DGKB: variants seen among roughly 807,000 people sequenced by gnomAD.
The protein encoded by DGKB is 90 kDa diacylglycerol kinase.
Under a neutral mutation model 114.3 loss-of-function variants are expected in DGKB, and 67 were observed. The observed-to-expected ratio is 0.59, with a 90% CI of 0.48 to 0.72. The LOEUF (loss-of-function observed/expected upper bound fraction) is 0.72, where lower values mean the gene tolerates loss of function less well. Among genes scored for constraint, DGKB ranks in the 30% least tolerant of loss-of-function variants. The pLI is 0.00. For synonymous variants in DGKB, 398 were observed against 323.1 expected (o/e 1.23, Z -2.49); for missense variants, 907 against 975.2 (o/e 0.93, Z 0.93).
chr7:14,915,134 T>C (rs978989), intron 1 of DGKB, among the ~76,000 whole-genome samples: 65,068 of 152,018 alleles, frequency 0.43, 18,166 homozygotes, highest in East Asian at 0.92. Context: ...GGGGAGGCTA[T>C]GTTGAGAGAA....
intron 2 of DGKB, among the ~76,000 whole-genome samples, chr7:14,830,444 A>T (rs1166209579): frequency 1.3e-5 from 2 of 152,116 alleles, no homozygotes; most frequent in African/African-American, 4.8e-5. Context: ...TAAACCAGAA[A>T]TATTTAGCAG....
At chr7:14,581,206 T>A (rs2128723958) in intron 18 of DGKB, among the ~76,000 whole-genome samples, 1 of 152,268 alleles carries the variant, frequency 6.6e-6, no homozygotes, top group South Asian at 2.1e-4. Flanking sequence ...GAAAGCTTTT[T>A]AAATATCTTA....
chr7:14,499,407 G>T (rs552773568), intron 20 of DGKB, among the ~76,000 whole-genome samples: 33 of 141,772 alleles, frequency 2.3e-4, no homozygotes, highest in African/African-American at 9.4e-4. Context: ...TTCTTCAAAA[G>T]AAATATGGGT....
chr7:14,269,932 TAAGAC>T (rs1400132504), intron 23 of DGKB, among the ~76,000 whole-genome samples: 4 of 150,494 alleles, frequency 2.7e-5, no homozygotes, highest in Admixed American at 2.0e-4. Context: ...TTCATAAAAT[TAAGAC>T]AAGGAATTAA....
chr7:14,678,491 C>G (rs1042113897), intron 12 of DGKB, among the ~76,000 whole-genome samples: 3 of 151,944 alleles, frequency 2.0e-5, no homozygotes, highest in African/African-American at 7.2e-5. Context: ...CATGGCCTCC[C>G]CAAGGGACTG....
rs564469676 is a variant in DGKB, at chr7:14,737,469, G to A, written c.169-1275C>T. ...TGGGGGAAAGACATGGAGATTGACC[G>A]AATTTATTATTGTATTATTTGGGAC... On this transcript the variant is annotated intron_variant, in intron 4 of 25. Transcript: ENST00000402815. Among the ~76,000 whole-genome samples, 6 of 151,822 alleles carry A rather than the reference G, an allele frequency of 4.0e-5. No homozygotes were observed. The East Asian group carries it at 5.8e-4, about 15-fold the overall frequency.
rs535070735 is a variant in DGKB, at chr7:14,705,766, A to C, written c.467-4036T>G. Among the ~76,000 whole-genome samples the C allele has an allele frequency of 1.1e-4, 17 of 151,946 alleles. No homozygotes were observed. In the South Asian group the frequency reaches 3.3e-3, roughly 30 times the overall value. Reference sequence around the variant, plus strand: ...AATACTTTACAGACAAGCAAATGCTAAGAGATTTTGTCACCACCAGACCTG... The same window carrying C: ...AATACTTTACAGACAAGCAAATGCTCAGAGATTTTGTCACCACCAGACCTG... On this transcript the variant is annotated intron_variant, in intron 6 of 25. Coordinates refer to ENST00000402815, the MANE Select transcript of DGKB (RefSeq NM_001350709.2).
chr7:14,439,832 T>A (rs925961572), intron 21 of DGKB, among the ~76,000 whole-genome samples: 19 of 130,682 alleles, frequency 1.5e-4, no homozygotes, highest in African/African-American at 5.4e-4. Flanking sequence ...GCCACTGCAC[T>A]CCAGCCTGGA....
At chr7:14,458,878 C>A (rs2128863476) in intron 21 of DGKB, among the ~76,000 whole-genome samples, 1 of 152,284 alleles carries the variant, frequency 6.6e-6, no homozygotes, top group East Asian at 1.9e-4. Context: ...GGAAAGGGAG[C>A]TGAAGCCAGG....
chr7:14,192,198 T>C, intron 23 of DGKB: 1 of 248,422 alleles, frequency 4.0e-6, no homozygotes, highest in East Asian at 1.1e-4. Context: ...TGTTATAATA[T>C]TTTACATAAA....
intron 13 of DGKB, among the ~76,000 whole-genome samples, chr7:14,645,948 TAAG>T: frequency 6.6e-6 from 1 of 152,066 alleles, no homozygotes; most frequent in East Asian, 1.9e-4. Context: ...AAAAATAACT[TAAG>T]AGAGAAAGAG....
chr7:14,200,596 A>G lies in DGKB; in HGVS notation c.2123-22445T>C, dbSNP rs572492563. Among the ~76,000 whole-genome samples the G allele has an allele frequency of 3.0e-4, 46 of 152,210 alleles. No homozygotes were observed. In the South Asian group the frequency reaches 9.3e-3, roughly 31 times the overall value. ...CTTATACATATTGTTTCATAATACT[A>G]CATATGATTTCTTTGCCCATTTATC... On this transcript the variant is annotated intron_variant, in intron 23 of 25. Transcript: ENST00000402815.
chr7:14,206,691 A>G (rs1786879531), intron 23 of DGKB, among the ~76,000 whole-genome samples: 1 of 152,058 alleles, frequency 6.6e-6, no homozygotes, highest in African/African-American at 2.4e-5. Flanking sequence ...TTCTATACCC[A>G]TAAAATAGGA....
At chr7:14,830,949 G>C (rs1372816189) in intron 2 of DGKB, among the ~76,000 whole-genome samples, 2 of 151,712 alleles carry the variant, frequency 1.3e-5, no homozygotes, top group Admixed American at 1.3e-4. Context: ...GTATGTGTGT[G>C]AATATCTGTG....
intron 2 of DGKB, among the ~76,000 whole-genome samples, chr7:14,784,449 C>T (rs200105624): frequency 6.6e-6 from 1 of 150,474 alleles, no homozygotes; most frequent in East Asian, 2.0e-4. Flanking sequence ...CTCAATGCAG[C>T]CTCTGCCTCC....
chr7:14,242,613 G>T (rs1037737073), intron 23 of DGKB, among the ~76,000 whole-genome samples: 2 of 152,098 alleles, frequency 1.3e-5, no homozygotes, highest in African/African-American at 4.8e-5. Context: ...CCTGACGGTT[G>T]TTCATAAATT....
intron 2 of DGKB, among the ~76,000 whole-genome samples, chr7:14,814,487 T>C (rs539632959): frequency 2.6e-5 from 4 of 152,330 alleles, no homozygotes; most frequent in South Asian, 4.1e-4. Context: ...TCTGTTATTG[T>C]GGCTGAAAAC....
chr7:14,602,437 T>A lies in DGKB; in HGVS notation c.1433+4997A>T, dbSNP rs1400528325. ...TTGAACTTTCATGTGTCTCCAAAATTAATGCTTAAAATTAGTGCCCAAAGC... is the reference window on the plus strand; with the variant it reads ...TTGAACTTTCATGTGTCTCCAAAATAAATGCTTAAAATTAGTGCCCAAAGC... On this transcript the variant is annotated intron_variant, in intron 17 of 25. Coordinates refer to ENST00000402815, the MANE Select transcript of DGKB (RefSeq NM_001350709.2). Among the ~76,000 whole-genome samples the A allele has an allele frequency of 2.0e-5, 3 of 152,170 alleles. No homozygotes were observed. In the East Asian group the frequency reaches 5.8e-4, roughly 29 times the overall value.
At chr7:14,732,702 T>A (rs989429739) in intron 5 of DGKB, among the ~76,000 whole-genome samples, 1 of 152,190 alleles carries the variant, frequency 6.6e-6, no homozygotes, top group Non-Finnish European at 1.5e-5. Context: ...TCCTTTCATG[T>A]AGTCTGTGTA....
Sources: allele counts gnomAD v4.1 joint callset (sites outside exome capture counted in the v4.1 genomes callset), GRCh38; gene constraint gnomAD v4.1.1; transcripts MANE v1.5; gene names NCBI Gene and HGNC (gene_info 2026-07-23, HGNC 2026-07-21).